SORBS2: variants seen among roughly 807,000 people sequenced by gnomAD.
SORBS2 encodes sorbin and SH3 domain containing 2.
In SORBS2, 46 loss-of-function variants were observed where a neutral mutation model predicts 97.7. The observed-to-expected ratio is 0.47, with a 90% CI of 0.37 to 0.60. The LOEUF is 0.60. SORBS2 is among the 20% of genes least tolerant of loss of function. The probability of loss-of-function intolerance (pLI) is 0.00; values close to 1 mark genes in which losing one functional copy is unlikely to be tolerated. For missense variants in SORBS2, 1,316 were observed against 1,282.3 expected (o/e 1.03, Z -0.40); for synonymous variants, 476 against 473.4 (o/e 1.01, Z -0.07).
rs556180403 is a variant in SORBS2 at position 185,791,778 on chromosome 4, G to C, written c.-337-16412C>G. Among the ~76,000 whole-genome samples the C allele has an allele frequency of 2.6e-5, 4 of 151,978 alleles. No individual in the cohort carries two copies. The South Asian group carries it at 8.3e-4, about 32-fold the overall frequency. ...AGTAACCATTTTCTTCTTTAGATCAGAGTGCTAATAGTCAACAAAGGGAAA... is the reference window on the plus strand; with the variant it reads ...AGTAACCATTTTCTTCTTTAGATCACAGTGCTAATAGTCAACAAAGGGAAA... On this transcript the variant is annotated intron_variant, in intron 1 of 20. Transcript: ENST00000284776.
intron 1 of SORBS2, among the ~76,000 whole-genome samples, chr4:185,863,529 A>T (rs1458634707): frequency 6.6e-6 from 1 of 152,244 alleles, no homozygotes; most frequent in Non-Finnish European, 1.5e-5. Context: ...TTCACAGATT[A>T]GTTTAGAAAT....
At chr4:185,797,339 C>T (rs551612195) in intron 1 of SORBS2, among the ~76,000 whole-genome samples, 1 of 152,326 alleles carries the variant, frequency 6.6e-6, no homozygotes, top group South Asian at 2.1e-4. Context: ...ACTATCATTT[C>T]GTAATCTTTT....
intron 2 of SORBS2, among the ~76,000 whole-genome samples, chr4:185,738,606 T>C (rs953454366): frequency 1.3e-5 from 2 of 152,374 alleles, no homozygotes; most frequent in Admixed American, 1.3e-4. Context: ...GGATTTTTTC[T>C]TTTCTAAGAA....
chr4:185,662,216 T>C (rs1391311325), exon 5 of SORBS2: 1 of 1,611,900 alleles, frequency 6.2e-7, no homozygotes, highest in Non-Finnish European at 8.5e-7. Context: ...CGGCACCTCC[T>C]GAGTTTCCAT....
chr4:185,820,370 C>T (rs1054566813), intron 1 of SORBS2, among the ~76,000 whole-genome samples: 3 of 152,238 alleles, frequency 2.0e-5, no homozygotes, highest in Non-Finnish European at 2.9e-5. Flanking sequence ...GTCCTCCCCT[C>T]CCCTTTAATT....
At chr4:185,758,733 T>C (rs2098845924) in intron 2 of SORBS2, among the ~76,000 whole-genome samples, 1 of 152,224 alleles carries the variant, frequency 6.6e-6, no homozygotes, top group Non-Finnish European at 1.5e-5. Flanking sequence ...TTTCTCTTGG[T>C]TGCAGCTATC....
At chr4:185,756,719 C>CTTTTTTTTTTTTTTTTTTT (rs56955640) in intron 2 of SORBS2, among the ~76,000 whole-genome samples, 1 of 131,598 alleles carries the variant, frequency 7.6e-6, no homozygotes, top group African/African-American at 2.9e-5. Context: ...ACTGTTAAAG[C>CTTTTTTTTTTTTTTTTTTT]TTTTTTTTTT....
chr4:185,931,465 G>T (rs181923841), intron 1 of SORBS2, among the ~76,000 whole-genome samples: 2 of 152,172 alleles, frequency 1.3e-5, no homozygotes, highest in Non-Finnish European at 2.9e-5. Context: ...AAGGACGAGC[G>T]GAGACTGATG....
At chr4:185,887,290 T>C (rs1350976591) in intron 1 of SORBS2, among the ~76,000 whole-genome samples, 1 of 152,176 alleles carries the variant, frequency 6.6e-6, no homozygotes. Context: ...AGGTGCTCTG[T>C]GTATGGAGGA....
chr4:185,720,482 G>C (rs2098504088), intron 2 of SORBS2, among the ~76,000 whole-genome samples: 1 of 152,124 alleles, frequency 6.6e-6, no homozygotes, highest in African/African-American at 2.4e-5. Context: ...TCACACCCAT[G>C]CAATTGCTTT....
chr4:185,781,526 TC>T (rs2099029132), intron 1 of SORBS2, among the ~76,000 whole-genome samples: 1 of 150,846 alleles, frequency 6.6e-6, no homozygotes, highest in African/African-American at 2.4e-5. Context: ...GCCTCCCGCC[TC>T]TCCAGCCTCC....
intron 1 of SORBS2, among the ~76,000 whole-genome samples, chr4:185,902,209 T>C (rs1005597126): frequency 6.6e-6 from 1 of 152,214 alleles, no homozygotes; most frequent in Admixed American, 6.5e-5. Context: ...AAATATCACT[T>C]TGAAATATTA....
intron 12 of SORBS2, among the ~76,000 whole-genome samples, chr4:185,600,349 A>AT (rs1018161492): frequency 1.2e-4 from 18 of 152,026 alleles, no homozygotes; most frequent in Non-Finnish European, 2.6e-4. Flanking sequence ...TTTGTCTTTT[A>AT]TTTTTTTGAG....
At chr4:185,876,072 T>C (rs1201924165) in intron 1 of SORBS2, among the ~76,000 whole-genome samples, 1 of 152,170 alleles carries the variant, frequency 6.6e-6, no homozygotes, top group East Asian at 1.9e-4. Flanking sequence ...ACTTCTCTAT[T>C]GCAGAATACT....
chr4:185,646,856 G>C, intron 3 of SORBS2, 74 bp from the exon 13 acceptor site: 2 of 853,166 alleles, frequency 2.3e-6, no homozygotes, highest in Non-Finnish European at 3.9e-6. Context: ...CCAGTTATCT[G>C]TTTTCAACAT....
chr4:185,752,853 A>G (rs1482562808), intron 2 of SORBS2, among the ~76,000 whole-genome samples: 1 of 152,222 alleles, frequency 6.6e-6, no homozygotes, highest in Non-Finnish European at 1.5e-5. Flanking sequence ...TATATCCTGA[A>G]GAATCTGTAT....
At chr4:185,638,148 A>T in intron 4 of SORBS2, 2 of 1,608,664 alleles carry the variant, frequency 1.2e-6, no homozygotes, top group Non-Finnish European at 1.7e-6. Flanking sequence ...TGTCATCTGG[A>T]TTTATGCGAT....
At position 185,934,338 on chromosome 4, in the gene SORBS2, C is replaced by T. The variant is rs184932183; in HGVS notation, c.-338+21858G>A. ...CATGAATAAGGCACTGTCCCTGCCA[C>T]GCAAAGGCTTGCACTCACCAGTGAA... On this transcript the variant is annotated intron_variant, in intron 1 of 20. Transcript: ENST00000284776. Among the ~76,000 whole-genome samples the T allele has an allele frequency of 2.0e-3, 308 of 152,306 alleles. 4 individuals carry two copies. In the South Asian group the frequency reaches 0.025, roughly 12 times the overall value.
chr4:185,809,774 T>C (rs112240003), intron 1 of SORBS2, among the ~76,000 whole-genome samples: 146 of 152,302 alleles, frequency 9.6e-4, no homozygotes, highest in African/African-American at 3.2e-3. Flanking sequence ...ATTCCTCCCG[T>C]GGGCTAAGGG....
Sources: gnomAD v4.1 joint callset for allele counts (sites outside exome capture counted in the v4.1 genomes callset) on GRCh38, gnomAD v4.1.1 for gene constraint, MANE v1.5 for transcripts, NCBI Gene and HGNC (gene_info 2026-07-23, HGNC 2026-07-21) for gene names.